The following COTL1 variants were observed in gnomAD, a reference collection of about 807,000 sequenced individuals.
COTL1 encodes coactosin like F-actin binding protein 1, also known as coactosin-like protein.
COTL1 carries 15 observed loss-of-function variants against 16.5 expected under a neutral mutation model. The observed-to-expected ratio is 0.91, with a 90% CI of 0.61 to 1.40. The LOEUF is 1.40. Ranked by LOEUF, COTL1 falls within the 40% of genes most tolerant of loss-of-function variation. COTL1 has a pLI of 0.00. For missense variants in COTL1, 220 were observed against 201.5 expected (o/e 1.09, Z -0.56); for synonymous variants, 112 against 85.3 (o/e 1.31, Z -1.73).
rs770325497 is a variant in COTL1 at position 84,565,683 on chromosome 16, T to G, written c.*1162A>C. On this transcript the variant is annotated 3_prime_UTR_variant, in exon 4 of 4. Coordinates refer to ENST00000262428, the MANE Select transcript of COTL1 (RefSeq NM_021149.5). ...ACAATCCCAATACAGTACAGATTTC[T>G]TCCCCAAAACGAAATGAGCAAGGAA... 1 of 152,692 alleles carries G rather than the reference T, an allele frequency of 6.5e-6. No individual in the cohort carries two copies. The highest frequency in any genetic ancestry group is 1.5e-5 in the Non-Finnish European group (1 of 68,056). 9.5% of individuals were successfully genotyped at this position (152,692 alleles called of 1,614,324 possible). A position where few individuals can be genotyped will look rare whatever the true frequency, so the allele number is the denominator to read the frequency against.
intron 3 of COTL1, among the ~76,000 whole-genome samples, chr16:84,583,080 C>T (rs1346891197): frequency 6.6e-6 from 1 of 152,224 alleles, no homozygotes; most frequent in African/African-American, 2.4e-5. Flanking sequence ...AACCTCTTCC[C>T]TGGTGCCAGA....
At chr16:84,599,910 C>T (rs1229544891) in intron 2 of COTL1, among the ~76,000 whole-genome samples, 1 of 152,192 alleles carries the variant, frequency 6.6e-6, no homozygotes, top group Non-Finnish European at 1.5e-5. Flanking sequence ...GCCATGGCAG[C>T]GGCTGGCTTC....
intron 3 of COTL1, 155 bp from the exon 4 acceptor site, chr16:84,567,110 G>C (rs2617857): frequency 1.7e-6 from 1 of 589,360 alleles, no homozygotes; most frequent in African/African-American, 2.1e-5. Flanking sequence ...TGGAAATTCA[G>C]CAGCAGAGTC....
intron 3 of COTL1, among the ~76,000 whole-genome samples, chr16:84,587,819 G>A (rs1031178178): frequency 6.6e-6 from 1 of 151,032 alleles, no homozygotes; most frequent in African/African-American, 2.4e-5. Context: ...TTGGAGACTC[G>A]CTCCAAAAAA....
At chr16:84,593,845 C>T (rs143097277) in intron 2 of COTL1, among the ~76,000 whole-genome samples, 1 of 152,212 alleles carries the variant, frequency 6.6e-6, no homozygotes, top group Non-Finnish European at 1.5e-5. Context: ...TAAGGACACT[C>T]ACAATGTTGT....
At chr16:84,602,466 C>T (rs1905121573) in intron 2 of COTL1, among the ~76,000 whole-genome samples, 1 of 151,544 alleles carries the variant, frequency 6.6e-6, no homozygotes, top group Admixed American at 6.6e-5. Flanking sequence ...AGTGTGACTT[C>T]CACCCCCAGA....
At chr16:84,573,811 C>T (rs1038951780) in intron 3 of COTL1, among the ~76,000 whole-genome samples, 5 of 150,362 alleles carry the variant, frequency 3.3e-5, no homozygotes, top group South Asian at 2.1e-4. Flanking sequence ...AGTAGTATTC[C>T]GAAGATCTCT....
chr16:84,615,252 G>A (rs1358578374), intron 2 of COTL1, among the ~76,000 whole-genome samples: 2 of 152,178 alleles, frequency 1.3e-5, no homozygotes, highest in African/African-American at 2.4e-5. Flanking sequence ...GCCCATTCAT[G>A]AGGATCCACA....
chr16:84,583,330 C>T (rs1367290050), intron 3 of COTL1, among the ~76,000 whole-genome samples: 1 of 152,184 alleles, frequency 6.6e-6, no homozygotes, highest in African/African-American at 2.4e-5. Flanking sequence ...ATAGTAGGGC[C>T]ACAATAAAAC....
intron 2 of COTL1, among the ~76,000 whole-genome samples, chr16:84,597,652 G>C (rs557466975): frequency 7.7e-4 from 118 of 152,298 alleles, no homozygotes; most frequent in African/African-American, 2.7e-3. Context: ...GAAATGGTGA[G>C]AACTCACTGT....
intron 3 of COTL1, among the ~76,000 whole-genome samples, chr16:84,583,061 C>T (rs1165845500): frequency 6.6e-6 from 1 of 152,236 alleles, no homozygotes; most frequent in East Asian, 1.9e-4. Flanking sequence ...GCCCTGCTTG[C>T]GGCCTTCGAA....
At chr16:84,599,918 T>A (rs929286511) in intron 2 of COTL1, among the ~76,000 whole-genome samples, 8 of 152,162 alleles carry the variant, frequency 5.3e-5, no homozygotes, top group Non-Finnish European at 1.0e-4. Flanking sequence ...AGCGGCTGGC[T>A]TCTAGCAGGC....
At chr16:84,595,785 CTA>C (rs1904988543) in intron 2 of COTL1, 1 of 151,876 alleles carries the variant, frequency 6.6e-6, no homozygotes, top group African/African-American at 2.4e-5. Flanking sequence ...TAATATGTGT[CTA>C]TATGTGTACA....
chr16:84,611,571 G>A (rs1486315587), intron 2 of COTL1, among the ~76,000 whole-genome samples: 2 of 152,304 alleles, frequency 1.3e-5, no homozygotes, highest in South Asian at 2.1e-4. Flanking sequence ...GAGGACAGGC[G>A]CCTTTTCTGC....
chr16:84,575,130 C>T (rs140079205), intron 3 of COTL1, among the ~76,000 whole-genome samples: 2 of 151,246 alleles, frequency 1.3e-5, no homozygotes, highest in African/African-American at 2.4e-5. Context: ...CTCCACCTCC[C>T]GGGTTCAAGC....
intron 2 of COTL1, among the ~76,000 whole-genome samples, chr16:84,613,304 G>A (rs1905382007): frequency 6.6e-6 from 1 of 152,086 alleles, no homozygotes; most frequent in African/African-American, 2.4e-5. Context: ...CCGGACTAGA[G>A]TGTTTCTGAT....
chr16:84,580,454 T>G (rs1265719415), intron 3 of COTL1, among the ~76,000 whole-genome samples: 1 of 152,152 alleles, frequency 6.6e-6, no homozygotes, highest in Non-Finnish European at 1.5e-5. Flanking sequence ...TCTCACTATA[T>G]TGCCCAGGCT....
rs140416122 is a variant in COTL1, at chr16:84,617,566, T to G, written c.95A>C (p.Asp32Ala). The G allele has an allele frequency of 1.9e-3, 2,881 of 1,556,904 alleles. 8 individuals carry two copies. The highest frequency in any genetic ancestry group is 2.3e-3 in the Non-Finnish European group (2,630 of 1,149,694). ...CTCGCCGGGGACGATGGTGGAGCCGTCATATTTAAAAGTCACCCTTTGGGT... is the reference window on the plus strand; with the variant it reads ...CTCGCCGGGGACGATGGTGGAGCCGGCATATTTAAAAGTCACCCTTTGGGT... ...SAVIWVTFKY[D>A]GSTIVPGEQG... The change falls in exon 2 of 4, where the codon GAC (aspartate) becomes GCC (alanine). Residue 32 changes from aspartate (D) to alanine (A), a missense_variant. Transcript: ENST00000262428.
intron 2 of COTL1, among the ~76,000 whole-genome samples, chr16:84,610,411 C>T (rs34850665): frequency 0.26 from 39,998 of 152,024 alleles, 5,933 homozygotes; most frequent in East Asian, 0.44. Context: ...GGCTCTGTTC[C>T]TGAGTTCTCA....
Sources: allele counts gnomAD v4.1 joint callset (sites outside exome capture counted in the v4.1 genomes callset), GRCh38; gene constraint gnomAD v4.1.1; transcripts MANE v1.5; gene names NCBI Gene and HGNC (gene_info 2026-07-23, HGNC 2026-07-21).